SIPA1L1: variants seen among roughly 807,000 people sequenced by gnomAD.
SIPA1L1 encodes signal induced proliferation associated 1 like 1, also known as signal-induced proliferation-associated 1-like protein 1.
A neutral mutation model predicts 162.7 loss-of-function variants in SIPA1L1; 26 were observed. That is an observed-to-expected ratio of 0.16 (90% CI 0.12 to 0.22). The LOEUF is 0.22. SIPA1L1 is among the 10% of genes least tolerant of loss of function. The pLI, the probability that SIPA1L1 is intolerant of heterozygous loss-of-function variation, is 1.00. For missense variants in SIPA1L1, 1,874 were observed against 2,241.0 expected, an observed-to-expected ratio of 0.84 and a Z score of 3.31; for synonymous variants, 829 against 837.4, an observed-to-expected ratio of 0.99 and a Z score of 0.17.
chr14:71,492,204 A>G (rs2049340894), intron 2 of SIPA1L1, among the ~76,000 whole-genome samples: 1 of 152,200 alleles, frequency 6.6e-6, no homozygotes, highest in Non-Finnish European at 1.5e-5. Context: ...AGTTACAGCA[A>G]GGATTTGGCA....
At chr14:71,463,922 CT>C (rs1365837735) in intron 2 of SIPA1L1, among the ~76,000 whole-genome samples, 10 of 152,208 alleles carry the variant, frequency 6.6e-5, no homozygotes, top group African/African-American at 2.4e-4. Context: ...GCTATGCCCA[CT>C]TGCCTTTGAT....
intron 17 of SIPA1L1, among the ~76,000 whole-genome samples, chr14:71,712,778 C>CTT (rs2082970364): frequency 6.6e-6 from 1 of 152,170 alleles, no homozygotes; most frequent in Non-Finnish European, 1.5e-5. Flanking sequence ...CTACCTCATG[C>CTT]TTGCACATAG....
chr14:71,348,224 A>T (rs1270145985), intron 2 of SIPA1L1, among the ~76,000 whole-genome samples: 1 of 152,210 alleles, frequency 6.6e-6, no homozygotes, highest in African/African-American at 2.4e-5. Context: ...AGAGACTATT[A>T]CCAGCCCCCA....
intron 4 of SIPA1L1, among the ~76,000 whole-genome samples, chr14:71,561,637 G>A (rs2056800189): frequency 6.6e-6 from 1 of 152,166 alleles, no homozygotes; most frequent in Admixed American, 6.5e-5. Context: ...GCCCAGGCTG[G>A]AGTGCAATGG....
chr14:71,453,093 A>G (rs768730619), intron 2 of SIPA1L1, among the ~76,000 whole-genome samples: 2 of 152,210 alleles, frequency 1.3e-5, no homozygotes, highest in Non-Finnish European at 2.9e-5. Flanking sequence ...AAAGTTATCT[A>G]TCTGTTTCAC....
chr14:71,736,810 G>A (rs1260097689), intron 22 of SIPA1L1, among the ~76,000 whole-genome samples: 1 of 152,220 alleles, frequency 6.6e-6, no homozygotes. Context: ...TGAGGGTGAT[G>A]ACAGGCTCTT....
intron 3 of SIPA1L1, among the ~76,000 whole-genome samples, chr14:71,515,922 G>A (rs573076702): frequency 2.0e-5 from 3 of 152,184 alleles, no homozygotes; most frequent in Non-Finnish European, 4.4e-5. Flanking sequence ...GATTACAGGC[G>A]TGAGCCACCA....
intron 8 of SIPA1L1, 115 bp downstream of exon 8, chr14:71,650,624 A>G: frequency 1.0e-6 from 1 of 962,296 alleles, no homozygotes; most frequent in Non-Finnish European, 1.6e-6. Flanking sequence ...ACTGCTGGTG[A>G]TGGGGGAGAG....
intron 6 of SIPA1L1, among the ~76,000 whole-genome samples, chr14:71,620,409 C>A (rs2039309143): frequency 6.6e-6 from 1 of 152,176 alleles, no homozygotes; most frequent in Non-Finnish European, 1.5e-5. Context: ...ATCTTACTTC[C>A]AAGTATTTTT....
intron 3 of SIPA1L1, among the ~76,000 whole-genome samples, chr14:71,514,368 A>G (rs1327029322): frequency 2.0e-5 from 3 of 152,140 alleles, no homozygotes; most frequent in Non-Finnish European, 4.4e-5. Flanking sequence ...TGCCTGAGGC[A>G]TTCTTCCCTT....
chr14:71,352,203 A>G (rs2036787197), intron 2 of SIPA1L1, among the ~76,000 whole-genome samples: 1 of 152,070 alleles, frequency 6.6e-6, no homozygotes, highest in African/African-American at 2.4e-5. Context: ...TTTCTTTTTG[A>G]GACAGTCTCA....
intron 7 of SIPA1L1, among the ~76,000 whole-genome samples, chr14:71,627,605 G>T (rs951243573): frequency 6.6e-6 from 1 of 152,182 alleles, no homozygotes; most frequent in Non-Finnish European, 1.5e-5. Context: ...TTACAGTACA[G>T]TTGGGGGCAT....
In SIPA1L1 at chr14:71,656,383, A is replaced by T. The variant is rs577920458; in HGVS notation, c.1994-1950A>T. ...ATTTTGCTTAAAATTGACTTGAAAC[A>T]CATGTATAAGTACACGTCAGTGGTG... On this transcript the variant is annotated intron_variant, in intron 8 of 23. Coordinates refer to ENST00000381232, the MANE Select transcript of SIPA1L1 (RefSeq NM_001386936.1). 2.6e-5 allele frequency among the ~76,000 whole-genome samples: 4 copies of T among 152,248 alleles called. No individual in the cohort carries two copies. In the South Asian group the frequency reaches 6.2e-4, roughly 24 times the overall value.
intron 2 of SIPA1L1, among the ~76,000 whole-genome samples, chr14:71,355,463 G>A (rs1232548268): frequency 6.6e-6 from 1 of 152,204 alleles, no homozygotes; most frequent in East Asian, 1.9e-4. Flanking sequence ...TTGGCACGAA[G>A]TACTGATCAT....
intron 4 of SIPA1L1, among the ~76,000 whole-genome samples, chr14:71,551,006 T>C (rs2055773280): frequency 6.6e-6 from 1 of 152,210 alleles, no homozygotes; most frequent in African/African-American, 2.4e-5. Flanking sequence ...CTTTTTACCT[T>C]GGACACGCTG....
chr14:71,642,102 C>T (rs1185348723), intron 7 of SIPA1L1, among the ~76,000 whole-genome samples: 1 of 152,166 alleles, frequency 6.6e-6, no homozygotes, highest in African/African-American at 2.4e-5. Flanking sequence ...TAACTTTCCA[C>T]CTGAAACAAC....
intron 4 of SIPA1L1, among the ~76,000 whole-genome samples, chr14:71,585,220 G>GA (rs928074542): frequency 6.6e-6 from 1 of 151,240 alleles, no homozygotes; most frequent in African/African-American, 2.4e-5. Context: ...CCTTATGACT[G>GA]AAAAAAAATC....
At chr14:71,683,280 A>C (rs1286901832) in intron 12 of SIPA1L1, among the ~76,000 whole-genome samples, 1 of 152,234 alleles carries the variant, frequency 6.6e-6, no homozygotes, top group Non-Finnish European at 1.5e-5. Context: ...TGGTGCCCAA[A>C]ATACATAATA....
chr14:71,664,453 T>C (rs996976937), intron 10 of SIPA1L1, among the ~76,000 whole-genome samples: 17 of 152,220 alleles, frequency 1.1e-4, no homozygotes, highest in African/African-American at 4.1e-4. Flanking sequence ...TGTATATATT[T>C]TTGGGTTACA....
Sources: gnomAD v4.1 joint callset for allele counts (sites outside exome capture counted in the v4.1 genomes callset) on GRCh38, gnomAD v4.1.1 for gene constraint, MANE v1.5 for transcripts, NCBI Gene and HGNC (gene_info 2026-07-23, HGNC 2026-07-21) for gene names.